The following TCF20 variants were observed in gnomAD, a reference collection of about 807,000 sequenced individuals.
TCF20 encodes the protein SPRE-binding protein.
TCF20 carries 3 observed loss-of-function variants against 148.6 expected under a neutral mutation model. That is an observed-to-expected ratio of 0.02 (90% CI 0.01 to 0.05). The LOEUF (loss-of-function observed/expected upper bound fraction) is 0.05. Among genes scored for constraint, TCF20 ranks in the 10% least tolerant of loss-of-function variants. TCF20 has a pLI of 1.00. For synonymous variants in TCF20, 1,049 were observed against 909.5 expected (o/e 1.15, Z -2.76); for missense variants, 2,350 against 2,429.3 (o/e 0.97, Z 0.69).
In TCF20 at chr22:42,212,158, T is replaced by A; in HGVS notation, c.3148A>T (p.Thr1050Ser). The change falls in exon 2 of 6, where the codon ACT (threonine) becomes TCT (serine). Residue 1050 changes from threonine to serine, a missense_variant. Thr to Ser is a moderately conservative substitution (Grantham distance 58). Transcript: ENST00000677622. ...SERANRSSLHTPFSPNSETLA... is the reference protein window; with the variant it reads ...SERANRSSLHSPFSPNSETLA... ...GTTTCTGAGTTGGGAGAAAAGGGAG[T>A]GTGTAAAGAACTCCGGTTAGCCCTC... 6.2e-7 allele frequency: 1 copy of A among 1,613,624 alleles called. No homozygotes were observed. Among genetic ancestry groups the A allele is most frequent in the South Asian group, 1.1e-5 (1 of 91,036 alleles).
intron 1 of TCF20, among the ~76,000 whole-genome samples, chr22:42,258,734 T>C (rs1439551554): frequency 6.6e-6 from 1 of 152,162 alleles, no homozygotes; most frequent in African/African-American, 2.4e-5. Flanking sequence ...CTCATGTAGG[T>C]AGGTGTTGCC....
upstream of TCF20, chr22:42,274,141 G>C (rs1926717224): frequency 6.5e-6 from 1 of 152,728 alleles, no homozygotes; most frequent in Non-Finnish European, 1.5e-5. Flanking sequence ...GGGAGGCCTG[G>C]AATTCCTGCT....
At chr22:42,254,734 T>C (rs1465703040) in intron 1 of TCF20, among the ~76,000 whole-genome samples, 1 of 152,094 alleles carries the variant, frequency 6.6e-6, no homozygotes, top group Non-Finnish European at 1.5e-5. Flanking sequence ...TGAGAGGCCG[T>C]GACAGGCAGA....
chr22:42,244,485 C>A (rs549068326), intron 1 of TCF20, among the ~76,000 whole-genome samples: 4 of 152,248 alleles, frequency 2.6e-5, no homozygotes, highest in Non-Finnish European at 5.9e-5. Context: ...ATACACAATA[C>A]AATGTAGATA....
chr22:42,271,346 A>G (rs1391734635), upstream of TCF20, among the ~76,000 whole-genome samples: 2 of 152,240 alleles, frequency 1.3e-5, no homozygotes, highest in Non-Finnish European at 2.9e-5. Context: ...GGCATTAAGA[A>G]GCTGCAATGC....
chr22:42,216,973 G>T (rs1353625887), intron 1 of TCF20, among the ~76,000 whole-genome samples: 1 of 152,194 alleles, frequency 6.6e-6, no homozygotes, highest in Non-Finnish European at 1.5e-5. Context: ...TACATATAGG[G>T]TAAAGTGAGG....
intron 1 of TCF20, among the ~76,000 whole-genome samples, chr22:42,335,528 AT>A (rs1326171084): frequency 1.3e-5 from 2 of 152,314 alleles, no homozygotes; most frequent in Non-Finnish European, 2.9e-5. Context: ...CAATATCCTT[AT>A]TAAGGGACTG....
rs758402100 is a variant in TCF20 at position 42,214,905 on chromosome 22, C to T, written c.401G>A (p.Gly134Asp). Residue 134 changes from glycine to aspartate, a missense_variant, in exon 2 of 6, where the codon GGT becomes GAT. Gly to Asp is a moderately conservative substitution (Grantham distance 94). Transcript: ENST00000677622. ...SSFGNQYGSEGHVGQFQAQHS... is the reference protein window; with the variant it reads ...SSFGNQYGSEDHVGQFQAQHS... ...CTGTGCTTGAAACTGGCCCACATGA[C>T]CCTCACTCCCATACTGATTGCCAAA... 36 of 1,614,076 alleles carry T rather than the reference C, an allele frequency of 2.2e-5. No individual in the cohort carries two copies. The Admixed American group carries it at 5.7e-4, about 25-fold the overall frequency.
chr22:42,195,689 G>A (rs1326353299), intron 2 of TCF20, among the ~76,000 whole-genome samples: 1 of 151,868 alleles, frequency 6.6e-6, no homozygotes, highest in Non-Finnish European at 1.5e-5. Flanking sequence ...TAGTAGAGAT[G>A]GGGTTTCCCC....
Position 42,168,592 on chromosome 22 carries a change from C to A in TCF20, c.*44+17G>T. The A allele has an allele frequency of 6.5e-7, 1 of 1,548,100 alleles. No individual in the cohort carries two copies. The highest frequency in any genetic ancestry group is 8.7e-7 in the Non-Finnish European group (1 of 1,149,514). On this transcript the variant is annotated intron_variant, in intron 5 of 5. Coordinates refer to ENST00000677622, the MANE Select transcript of TCF20 (RefSeq NM_001378418.1). ...GGAGCCGGGCAGGATGCAGGGAGCCCGGTGGCCCCGACTCACCTGTGCTTG... is the reference window on the plus strand; with the variant it reads ...GGAGCCGGGCAGGATGCAGGGAGCCAGGTGGCCCCGACTCACCTGTGCTTG...
chr22:42,176,643 C>T (rs1382515906), intron 3 of TCF20, among the ~76,000 whole-genome samples: 2 of 152,202 alleles, frequency 1.3e-5, no homozygotes, highest in East Asian at 3.8e-4. Flanking sequence ...TTTCCTCAAA[C>T]GTGACCACAG....
intron 1 of TCF20, among the ~76,000 whole-genome samples, chr22:42,255,386 G>A (rs942235426): frequency 6.6e-6 from 1 of 152,020 alleles, no homozygotes; most frequent in Non-Finnish European, 1.5e-5. Context: ...CTAGTTGGGA[G>A]GCTAAGGCAG....
At chr22:42,222,490 C>A (rs928908551) in intron 1 of TCF20, among the ~76,000 whole-genome samples, 1 of 151,956 alleles carries the variant, frequency 6.6e-6, no homozygotes, top group East Asian at 1.9e-4. Context: ...ACCATCACAC[C>A]CCCCCATAGG....
At chr22:42,168,480 C>T in intron 5 of TCF20, 129 bp downstream of exon 5, 6 of 1,347,286 alleles carry the variant, frequency 4.5e-6, no homozygotes, top group Non-Finnish European at 6.0e-6. Context: ...AAGAACACTG[C>T]ATCCACCTGG....
intron 1 of TCF20, among the ~76,000 whole-genome samples, chr22:42,216,288 T>C (rs1222537240): frequency 3.3e-5 from 5 of 151,990 alleles, no homozygotes; most frequent in Non-Finnish European, 5.9e-5. Context: ...ATCACTGAAC[T>C]GCGGGTTTTA....
Position 42,211,982 on chromosome 22 carries a change from T to C in TCF20, c.3324A>G (p.Val1108=), listed in dbSNP as rs1203674968. The change falls in exon 2 of 6, where the codon GTA becomes GTG. Residue 1108 remains valine, a synonymous_variant. Transcript: ENST00000677622. ...KDWSSGSAQG[V]IAAAQHRQEG... ...CCTGCCTGTGCTGTGCTGCAGCAAT[T>C]ACTCCCTGAGCAGAACCGCTGCTCC... is the stretch of plus-strand genomic sequence containing the variant. The C allele has an allele frequency of 6.2e-7, 1 of 1,614,206 alleles. No individual in the cohort carries two copies. The highest frequency in any genetic ancestry group is 1.6e-4 in the Middle Eastern group (1 of 6,062).
intron 1 of TCF20, among the ~76,000 whole-genome samples, chr22:42,310,311 A>C (rs567890212): frequency 1.3e-5 from 2 of 152,264 alleles, no homozygotes; most frequent in East Asian, 3.9e-4. Context: ...ACTATGTGCC[A>C]GGTCCTGGGG....
Position 42,214,478 on chromosome 22 carries a change from A to G in TCF20, c.828T>C (p.Asn276=). 6.2e-7 allele frequency: 1 copy of G among 1,614,128 alleles called. No individual in the cohort carries two copies. Among genetic ancestry groups the G allele is most frequent in the Non-Finnish European group, 8.5e-7 (1 of 1,180,028 alleles). The change falls in exon 2 of 6, where the codon AAT becomes AAC. Residue 276 remains asparagine (N), a synonymous_variant. Transcript: ENST00000677622. The part of the protein sequence containing the change: ...VNAGSQYEGH[N]VGSNAQAYGT... ...CATAAGCCTGTGCATTAGAACCCAC[A>G]TTGTGTCCTTCATACTGAGATCCAG...
At chr22:42,319,699 G>T (rs1927697844) in intron 1 of TCF20, among the ~76,000 whole-genome samples, 1 of 152,174 alleles carries the variant, frequency 6.6e-6, no homozygotes, top group African/African-American at 2.4e-5. Flanking sequence ...AGGAACTGAG[G>T]ACAAATGAAC....
Sources: gnomAD v4.1 joint callset for allele counts (sites outside exome capture counted in the v4.1 genomes callset) on GRCh38, gnomAD v4.1.1 for gene constraint, MANE v1.5 for transcripts, NCBI Gene and HGNC (gene_info 2026-07-23, HGNC 2026-07-21) for gene names.